NSUN6: variants seen among roughly 807,000 people sequenced by gnomAD.
NSUN6 encodes NOP2/Sun RNA methyltransferase 6.
A neutral mutation model predicts 58.0 loss-of-function variants in NSUN6; 64 were observed. That is an observed-to-expected ratio of 1.10 (90% CI 0.90 to 1.36). The LOEUF (loss-of-function observed/expected upper bound fraction) is 1.36. Ranked by LOEUF, NSUN6 falls within the 40% of genes most tolerant of loss-of-function variation. The pLI is 0.00. For synonymous variants in NSUN6, 231 were observed against 193.9 expected (o/e 1.19, Z -1.59); for missense variants, 701 against 550.1 (o/e 1.27, Z -2.74).
intron 3 of NSUN6, among the ~76,000 whole-genome samples, chr10:18,642,118 C>T (rs1223827516): frequency 6.6e-6 from 1 of 151,950 alleles, no homozygotes; most frequent in South Asian, 2.1e-4. Context: ...AAACAGGTTA[C>T]TCTATATTTT....
Position 18,548,142 on chromosome 10 carries a change from T to C in NSUN6, c.1167A>G (p.Thr389=). The C allele has an allele frequency of 3.1e-6, 5 of 1,613,940 alleles. No homozygotes were observed. The highest frequency in any genetic ancestry group is 4.2e-6 in the Non-Finnish European group (5 of 1,179,936). ...ENEEQVAWAL[T]KFPCLQLQPQ... is the part of the protein sequence containing the mutation. ...GCTGAAGCTGAAGGCAAGGAAATTT[T>C]GTCAGGGCCCAGGCAACCTGTTCTT... The change falls in exon 10 of 11, where the codon ACA becomes ACG. Residue 389 remains threonine (T), a synonymous_variant. Transcript: ENST00000377304.
intron 2 of NSUN6, among the ~76,000 whole-genome samples, chr10:18,645,860 C>T (rs1432002374): frequency 6.6e-6 from 1 of 152,144 alleles, no homozygotes; most frequent in Non-Finnish European, 1.5e-5. Flanking sequence ...CCAGCTTCTC[C>T]ATATTGTCAC....
Position 18,629,259 on chromosome 10 carries a change from A to G in NSUN6, c.312-12966T>C, listed in dbSNP as rs550301273. Among the ~76,000 whole-genome samples, 577 of 152,342 alleles carry G rather than the reference A, an allele frequency of 3.8e-3. 4 individuals carry two copies. Among genetic ancestry groups the G allele is most frequent in the African/African-American group, 0.013 (525 of 41,566 alleles). Reference sequence around the variant, plus strand: ...TAAAAGAGCTCCTGAAGGAAGCACTAAACATGGAAAGGAACAACTGCTACC... The same window carrying G: ...TAAAAGAGCTCCTGAAGGAAGCACTGAACATGGAAAGGAACAACTGCTACC... On this transcript the variant is annotated intron_variant, in intron 3 of 10. Coordinates refer to ENST00000377304, the MANE Select transcript of NSUN6 (RefSeq NM_182543.5).
chr10:18,555,686 T>C lies in NSUN6; in HGVS notation c.923-3715A>G, dbSNP rs563778359. ...ATGGAATGGATGATGGTATGGAGAATGGAATGGACAGTGGAATGGAATGGA... is the reference window on the plus strand; with the variant it reads ...ATGGAATGGATGATGGTATGGAGAACGGAATGGACAGTGGAATGGAATGGA... On this transcript the variant is annotated intron_variant, in intron 8 of 10. Transcript: ENST00000377304. 6.6e-3 allele frequency among the ~76,000 whole-genome samples: 774 copies of C among 117,904 alleles called. 4 individuals are homozygous for C. Among genetic ancestry groups the C allele is most frequent in the Non-Finnish European group, 0.011 (603 of 56,580 alleles). The allele number at this position is 117,904 out of a possible 152,430, so 77.3% of individuals were successfully genotyped here. A position where few individuals can be genotyped will look rare whatever the true frequency, so the allele number is the denominator to read the frequency against.
chr10:18,604,349 A>C lies in NSUN6; in HGVS notation c.657+5496T>G, dbSNP rs115119852. On this transcript the variant is annotated intron_variant, in intron 6 of 10. Coordinates refer to ENST00000377304, the MANE Select transcript of NSUN6 (RefSeq NM_182543.5). ...ATTTAAATTAGCAGTTCTATCATGC[A>C]AAAAATCCAGCAGCATAATAGGAAG... Among the ~76,000 whole-genome samples the C allele has an allele frequency of 4.1e-3, 622 of 152,336 alleles. 7 individuals carry two copies. Among genetic ancestry groups the C allele is most frequent in the African/African-American group, 0.014 (578 of 41,574 alleles).
At chr10:18,571,197 TTC>T (rs1340617521) in intron 8 of NSUN6, among the ~76,000 whole-genome samples, 5 of 150,974 alleles carry the variant, frequency 3.3e-5, no homozygotes, top group African/African-American at 1.2e-4. Flanking sequence ...TTCCCTTCCA[TTC>T]TCTTCCATTC....
intron 8 of NSUN6, among the ~76,000 whole-genome samples, chr10:18,555,771 CGGAAT>C (rs2133452595): frequency 8.3e-6 from 1 of 120,728 alleles, no homozygotes; most frequent in East Asian, 2.5e-4. Context: ...TGGAAAAGAG[CGGAAT>C]GGAATGGAGA....
chr10:18,601,154 G>A (rs1045117751), intron 6 of NSUN6, among the ~76,000 whole-genome samples: 3 of 150,990 alleles, frequency 2.0e-5, no homozygotes, highest in Non-Finnish European at 2.9e-5. Flanking sequence ...ACCAGTGCAG[G>A]CTTGAGATAA....
chr10:18,562,073 G>A (rs549283312), intron 8 of NSUN6, among the ~76,000 whole-genome samples: 1 of 150,946 alleles, frequency 6.6e-6, no homozygotes, highest in South Asian at 2.1e-4. Flanking sequence ...GCATGAAATG[G>A]AATGAAGTGG....
chr10:18,592,991 G>A lies in NSUN6; in HGVS notation c.777+3217C>T, dbSNP rs564025790. Among the ~76,000 whole-genome samples the A allele has an allele frequency of 1.1e-4, 17 of 151,872 alleles. No homozygotes were observed. In the East Asian group the frequency reaches 2.3e-3, roughly 21 times the overall value. On this transcript the variant is annotated intron_variant, in intron 7 of 10. Coordinates refer to ENST00000377304, the MANE Select transcript of NSUN6 (RefSeq NM_182543.5). ...CAAAGGTCTAATAACCAGAATCTAC[G>A]AAGAACTTAAACAAATTTACAAGAA...
intron 6 of NSUN6, among the ~76,000 whole-genome samples, chr10:18,604,636 C>T (rs2057976521): frequency 1.3e-5 from 2 of 152,060 alleles, no homozygotes; most frequent in Non-Finnish European, 1.5e-5. Flanking sequence ...GTAATCCCAG[C>T]ACTTTGGGAG....
intron 8 of NSUN6, among the ~76,000 whole-genome samples, chr10:18,560,199 G>T (rs929742661): frequency 6.7e-6 from 1 of 150,106 alleles, no homozygotes; most frequent in African/African-American, 2.5e-5. Flanking sequence ...AATGGAAAAT[G>T]GAATGGAATG....
chr10:18,646,057 T>C (rs921888278), intron 2 of NSUN6, among the ~76,000 whole-genome samples: 3 of 151,934 alleles, frequency 2.0e-5, no homozygotes, highest in Admixed American at 6.6e-5. Flanking sequence ...TAGCCGAGCA[T>C]TGTGGCGAGT....
chr10:18,604,359 G>C (rs1001805316), intron 6 of NSUN6, among the ~76,000 whole-genome samples: 3 of 152,134 alleles, frequency 2.0e-5, no homozygotes, highest in Non-Finnish European at 4.4e-5. Context: ...AAAAAATCCA[G>C]CAGCATAATA....
intron 6 of NSUN6, among the ~76,000 whole-genome samples, chr10:18,609,556 A>G (rs545082143): frequency 6.6e-6 from 1 of 152,328 alleles, no homozygotes; most frequent in Middle Eastern, 3.4e-3. Context: ...TATCAAATGC[A>G]TGCAATATTC....
At chr10:18,639,632 A>G (rs772988806) in intron 3 of NSUN6, among the ~76,000 whole-genome samples, 15 of 151,028 alleles carry the variant, frequency 9.9e-5, no homozygotes, top group Non-Finnish European at 2.1e-4. Flanking sequence ...CTTCCCTGCA[A>G]TAGCTCACCA....
rs1264974891 is a variant in NSUN6, at chr10:18,546,022, C to G, written c.1321G>C (p.Glu441Gln). The change falls in exon 11 of 11, where the codon GAG becomes CAG. Residue 441 changes from glutamate to glutamine, a missense_variant. Physicochemically the swap from Glu to Gln is conservative, Grantham distance 29. Coordinates refer to ENST00000377304, the MANE Select transcript of NSUN6 (RefSeq NM_182543.5). The stretch of plus-strand genomic sequence containing the variant: ...CGCAACATGTCTTCTCTTCTGGCCT[C>G]TCTAAGAGAGTCCATGTCAGTGTCC... ...LPDTDMDSLR[E>Q]ARREDMLRLA... 6.3e-7 allele frequency: 1 copy of G among 1,596,086 alleles called. No individual in the cohort carries two copies. The highest frequency in any genetic ancestry group is 1.4e-5 in the African/African-American group (1 of 73,518).
At chr10:18,568,062 T>C (rs143516060) in intron 8 of NSUN6, among the ~76,000 whole-genome samples, 51 of 151,178 alleles carry the variant, frequency 3.4e-4, no homozygotes, top group African/African-American at 1.2e-3. Context: ...TTCTCCATTT[T>C]CCGTTCCATT....
At chr10:18,652,131 G>A, upstream of NSUN6, 1 of 985,136 alleles carries the variant, frequency 1.0e-6, no homozygotes, top group Non-Finnish European at 1.2e-6. Context: ...AAAACCCACA[G>A]ACAGTGTTTA....
Sources: allele counts gnomAD v4.1 joint callset (sites outside exome capture counted in the v4.1 genomes callset), GRCh38; gene constraint gnomAD v4.1.1; transcripts MANE v1.5; gene names NCBI Gene and HGNC (gene_info 2026-07-23, HGNC 2026-07-21).